Variants in FAT3 observed in about 807,000 individuals in gnomAD.
FAT3 encodes the protein FAT atypical cadherin 3.
In FAT3, 95 loss-of-function variants were observed where a neutral mutation model predicts 310.2. That is an observed-to-expected ratio of 0.31 (90% CI 0.26 to 0.36). The LOEUF (loss-of-function observed/expected upper bound fraction) is 0.36. Among genes scored for constraint, FAT3 ranks in the 10% least tolerant of loss-of-function variants. The pLI is 1.00. For synonymous variants in FAT3, 2,314 were observed against 2,192.9 expected, an observed-to-expected ratio of 1.06 and a Z score of -1.54; for missense variants, 5,408 against 5,715.6, an observed-to-expected ratio of 0.95 and a Z score of 1.74.
At chr11:92,255,304 A>G (rs1865273121) in intron 1 of FAT3, among the ~76,000 whole-genome samples, 2 of 151,452 alleles carry the variant, frequency 1.3e-5, no homozygotes, top group South Asian at 4.2e-4. Flanking sequence ...AAAATGTTTT[A>G]ATTAATTAGA....
chr11:92,832,931 A>G (rs1008608878), intron 14 of FAT3, among the ~76,000 whole-genome samples: 2 of 152,134 alleles, frequency 1.3e-5, no homozygotes, highest in Non-Finnish European at 2.9e-5. Flanking sequence ...TTCACAATTC[A>G]TGGTCAGAAC....
At chr11:92,430,286 A>G (rs1165049858) in intron 2 of FAT3, among the ~76,000 whole-genome samples, 1 of 151,906 alleles carries the variant, frequency 6.6e-6, no homozygotes, top group East Asian at 1.9e-4. Flanking sequence ...GCAACCTCTT[A>G]TCAATGTTCT....
intron 2 of FAT3, among the ~76,000 whole-genome samples, chr11:92,469,844 T>C (rs746328251): frequency 1.3e-5 from 2 of 151,812 alleles, no homozygotes; most frequent in Non-Finnish European, 2.9e-5. Context: ...ATAAAAAATA[T>C]ACACTAAACA....
intron 1 of FAT3, among the ~76,000 whole-genome samples, chr11:92,350,835 T>C (rs1270720835): frequency 1.3e-5 from 2 of 152,146 alleles, no homozygotes; most frequent in Non-Finnish European, 2.9e-5. Context: ...TTCCATCTCC[T>C]CTCATCTTCA....
intron 2 of FAT3, among the ~76,000 whole-genome samples, chr11:92,357,123 C>A (rs964478816): frequency 6.6e-6 from 1 of 152,124 alleles, no homozygotes; most frequent in East Asian, 1.9e-4. Context: ...GGGGAACTAG[C>A]CTTTACTGAG....
At chr11:92,663,127 A>G (rs879264148) in intron 3 of FAT3, among the ~76,000 whole-genome samples, 18 of 152,180 alleles carry the variant, frequency 1.2e-4, no homozygotes, top group Non-Finnish European at 2.4e-4. Flanking sequence ...TTGGGGGAAC[A>G]CTTTAAGGCC....
intron 1 of FAT3, among the ~76,000 whole-genome samples, chr11:92,293,538 ATATATATATATATAAAT>A (rs1946762312): frequency 1.2e-5 from 1 of 80,360 alleles, no homozygotes; most frequent in African/African-American, 5.2e-5. Flanking sequence ...ATATATATAT[ATATATATATATATAAAT>A]AAAATATATT....
intron 2 of FAT3, among the ~76,000 whole-genome samples, chr11:92,513,706 T>C (rs2135320273): frequency 6.6e-6 from 1 of 152,332 alleles, no homozygotes; most frequent in African/African-American, 2.4e-5. Flanking sequence ...AAATAAGCGT[T>C]AAATGAATCA....
chr11:92,792,809 G>C lies in FAT3; in HGVS notation c.4654G>C (p.Val1552Leu). Reference protein sequence around the residue: ...EFPYRRNLARVIVNVEDANDH... With the variant: ...EFPYRRNLARLIVNVEDANDH... ...TCCTTATCGAAGAAACTTGGCCCGA[G>C]TCATTGTGAATGTGGAGGATGCTAA... The change falls in exon 9 of 28, where the codon GTC becomes CTC. Residue 1552 changes from valine to leucine, a missense_variant. This residue lies in a region of FAT3 where 4,588 missense variants were observed against 4,809.8 expected (regional missense o/e 0.95). Coordinates refer to ENST00000525166, the MANE Select transcript of FAT3 (RefSeq NM_001367949.2). 5 of 1,613,846 alleles carry C rather than the reference G, an allele frequency of 3.1e-6. No individual in the cohort carries two copies. Among genetic ancestry groups the C allele is most frequent in the Non-Finnish European group, 4.2e-6 (5 of 1,179,768 alleles).
intron 13 of FAT3, among the ~76,000 whole-genome samples, chr11:92,825,399 C>G (rs1427072157): frequency 6.6e-6 from 1 of 151,906 alleles, no homozygotes; most frequent in African/African-American, 2.4e-5. Context: ...AAAATAGAGG[C>G]AAAAATAACA....
chr11:92,435,158 C>T (rs1214452231), intron 2 of FAT3, among the ~76,000 whole-genome samples: 3 of 152,302 alleles, frequency 2.0e-5, no homozygotes, highest in Non-Finnish European at 4.4e-5. Context: ...AGCCCCTGTG[C>T]AGCCTGTGTT....
At chr11:92,307,667 C>T (rs1013104744) in intron 1 of FAT3, among the ~76,000 whole-genome samples, 1 of 152,102 alleles carries the variant, frequency 6.6e-6, no homozygotes, top group Non-Finnish European at 1.5e-5. Context: ...TTGTACAAGA[C>T]CTCACAAGAA....
intron 2 of FAT3, among the ~76,000 whole-genome samples, chr11:92,405,059 A>T (rs1054308799): frequency 3.9e-5 from 6 of 151,904 alleles, no homozygotes; most frequent in African/African-American, 9.7e-5. Flanking sequence ...ATGCAAGCCA[A>T]CTCCTCATAA....
At chr11:92,549,876 C>T (rs3858363) in intron 3 of FAT3, among the ~76,000 whole-genome samples, 22,920 of 151,970 alleles carry the variant, frequency 0.15, 1,891 homozygotes, top group East Asian at 0.29. Context: ...GTAATAGGAA[C>T]GCTTTACATA....
chr11:92,890,334 G>A (rs1354855366), intron 27 of FAT3, among the ~76,000 whole-genome samples, 157 bp from the exon 28 acceptor site: 1 of 152,198 alleles, frequency 6.6e-6, no homozygotes, highest in Non-Finnish European at 1.5e-5. Context: ...GTTGTCCGCA[G>A]GCCAAAGCAT....
At chr11:92,382,542 C>T (rs993553517) in intron 2 of FAT3, among the ~76,000 whole-genome samples, 1 of 152,146 alleles carries the variant, frequency 6.6e-6, no homozygotes, top group African/African-American at 2.4e-5. Flanking sequence ...AAAGGTAGAT[C>T]TGGAACATTC....
intron 3 of FAT3, among the ~76,000 whole-genome samples, chr11:92,539,752 T>G (rs1954379876): frequency 6.6e-6 from 1 of 152,210 alleles, no homozygotes. Context: ...ATAACTGATG[T>G]TTAACATTTT....
intron 3 of FAT3, among the ~76,000 whole-genome samples, chr11:92,532,872 G>C (rs183478840): frequency 1.3e-5 from 2 of 152,118 alleles, no homozygotes; most frequent in African/African-American, 4.8e-5. Flanking sequence ...AGATGAAAAG[G>C]GGGGAAGAAA....
chr11:92,481,794 G>A (rs1952233756), intron 2 of FAT3, among the ~76,000 whole-genome samples: 2 of 152,168 alleles, frequency 1.3e-5, no homozygotes, highest in African/African-American at 4.8e-5. Context: ...GTGGGACACT[G>A]CAGCAAAAAG....
Sources: gnomAD v4.1 joint callset for allele counts (sites outside exome capture counted in the v4.1 genomes callset) on GRCh38, gnomAD v4.1.1 for gene constraint, gnomAD v4.1.1 regional missense constraint, MANE v1.5 for transcripts, NCBI Gene and HGNC (gene_info 2026-07-23, HGNC 2026-07-21) for gene names.